SPICE1: variants seen among roughly 807,000 people sequenced by gnomAD.
SPICE1 encodes spindle and centriole-associated protein 1.
In SPICE1, 75 loss-of-function variants were observed where a neutral mutation model predicts 102.7. The observed-to-expected ratio is 0.73, with a 90% CI of 0.61 to 0.88. The LOEUF is 0.88. SPICE1 is among the 40% of genes least tolerant of loss of function. SPICE1 has a pLI of 0.00. For missense variants in SPICE1, 979 were observed against 1,020.1 expected, an observed-to-expected ratio of 0.96 and a Z score of 0.55; for synonymous variants, 308 against 350.3, an observed-to-expected ratio of 0.88 and a Z score of 1.35.
chr3:113,500,167 G>A (rs1347717070), intron 3 of SPICE1, among the ~76,000 whole-genome samples: 3 of 152,126 alleles, frequency 2.0e-5, no homozygotes, highest in Non-Finnish European at 4.4e-5. Context: ...AGAGATACGC[G>A]CCACAGATCT....
intron 12 of SPICE1, among the ~76,000 whole-genome samples, chr3:113,457,605 G>C (rs1034553993): frequency 5.3e-5 from 8 of 152,122 alleles, no homozygotes; most frequent in Admixed American, 3.3e-4. Context: ...CATGAAAAGC[G>C]AGCCAGTTAG....
Position 113,453,738 on chromosome 3 carries a change from G to A in SPICE1, c.1870C>T (p.Leu624Phe). 6.2e-7 allele frequency: 1 copy of A among 1,614,148 alleles called. No homozygotes were observed. ...TGGGAATTGCAGAGGGGCTGTGAGAGGTTAACAAAAGGAGCCTGAGTTTTG... is the reference window on the plus strand; with the variant it reads ...TGGGAATTGCAGAGGGGCTGTGAGAAGTTAACAAAAGGAGCCTGAGTTTTG... ...ENKTQAPFVN[L>F]SQPLCNSHSN... The change falls in exon 14 of 18, where the codon CTC (leucine) becomes TTC (phenylalanine). Residue 624 changes from leucine (L) to phenylalanine (F), a missense_variant. Coordinates refer to ENST00000295872, the MANE Select transcript of SPICE1 (RefSeq NM_144718.4).
intron 2 of SPICE1, among the ~76,000 whole-genome samples, chr3:113,503,931 T>TAAA (rs34217669): frequency 8.1e-4 from 77 of 95,360 alleles, no homozygotes; most frequent in East Asian, 1.2e-3. Flanking sequence ...AGTTTCTATC[T>TAAA]AAAAAAAAAA....
At position 113,446,641 on chromosome 3, in the gene SPICE1, A is replaced by C. The variant is rs141610268; in HGVS notation, c.2462T>G (p.Leu821Arg). The C allele has an allele frequency of 2.1e-4, 337 of 1,613,820 alleles. 1 individual carries two copies. In the African/African-American group the frequency reaches 4.0e-3, roughly 19 times the overall value. The change falls in exon 17 of 18, where the codon CTA (leucine) becomes CGA (arginine). Residue 821 changes from leucine to arginine, a missense_variant. Physicochemically the swap from Leu to Arg is moderately radical, Grantham distance 102 (BLOSUM62 -2). Transcript: ENST00000295872. ...SGATGNSCSP[L>R]NATSGSGRFT... ...TCTCCCACTTCCTGAGGTGGCATTT[A>C]GTGGAGAACAAGAATTACCAGTAGC...
chr3:113,488,906 A>C, intron 7 of SPICE1, 39 bp downstream of exon 7: 2 of 1,259,346 alleles, frequency 1.6e-6, no homozygotes, highest in Non-Finnish European at 2.3e-6. Context: ...CCATGGAAAA[A>C]ACCTGAGAGT....
At chr3:113,467,271 C>A (rs1019743625) in intron 10 of SPICE1, among the ~76,000 whole-genome samples, 16 of 152,120 alleles carry the variant, frequency 1.1e-4, no homozygotes, top group African/African-American at 3.9e-4. Flanking sequence ...TATTTGAAAT[C>A]AAATTAAACA....
At chr3:113,449,252 C>T (rs1935585178) in intron 15 of SPICE1, 1 of 152,156 alleles carries the variant, frequency 6.6e-6, no homozygotes, top group South Asian at 2.1e-4. Flanking sequence ...GTTGCCTGCT[C>T]CCCTACTCAA....
At chr3:113,503,930 CTAAA>C (rs1206988445) in intron 2 of SPICE1, among the ~76,000 whole-genome samples, 3 of 73,366 alleles carry the variant, frequency 4.1e-5, no homozygotes, top group African/African-American at 1.2e-4. Context: ...GAGTTTCTAT[CTAAA>C]AAAAAAAAAA....
At chr3:113,469,267 G>A (rs1936137646) in intron 7 of SPICE1, 29 bp from the exon 8 acceptor site, 1 of 1,239,376 alleles carries the variant, frequency 8.1e-7, no homozygotes, top group East Asian at 2.9e-5. Flanking sequence ...TAAGCTACAT[G>A]AGAATTATAA....
chr3:113,492,165 T>C (rs1419839436), intron 6 of SPICE1, among the ~76,000 whole-genome samples: 1 of 152,176 alleles, frequency 6.6e-6, no homozygotes, highest in Admixed American at 6.5e-5. Context: ...ACATAAATGG[T>C]TTTTGCCGGA....
chr3:113,475,551 C>T (rs555966263), intron 7 of SPICE1, among the ~76,000 whole-genome samples: 124 of 152,082 alleles, frequency 8.2e-4, no homozygotes, highest in Middle Eastern at 3.4e-3. Flanking sequence ...TACTGGCAAA[C>T]CGAATCCAGC....
intron 11 of SPICE1, among the ~76,000 whole-genome samples, chr3:113,462,896 C>T (rs866011611): frequency 6.6e-6 from 1 of 152,180 alleles, no homozygotes; most frequent in African/African-American, 2.4e-5. Context: ...ATATCTTTAA[C>T]CATCATGCAA....
intron 6 of SPICE1, among the ~76,000 whole-genome samples, chr3:113,492,286 C>T (rs961312039): frequency 1.3e-4 from 20 of 152,124 alleles, no homozygotes; most frequent in African/African-American, 4.6e-4. Flanking sequence ...CTGGACCTTG[C>T]AACTCCCTAG....
intron 11 of SPICE1, 61 bp downstream of exon 11, chr3:113,465,592 T>G (rs975940106): frequency 2.0e-6 from 3 of 1,478,870 alleles, no homozygotes; most frequent in Middle Eastern, 1.8e-4. Flanking sequence ...GAGAATCCAG[T>G]ACATGTTTAA....
At chr3:113,484,188 T>C (rs1394371694) in intron 7 of SPICE1, among the ~76,000 whole-genome samples, 3 of 152,140 alleles carry the variant, frequency 2.0e-5, no homozygotes, top group Non-Finnish European at 4.4e-5. Flanking sequence ...GTTTATAGTA[T>C]TCTGATGGTA....
Position 113,475,619 on chromosome 3 carries a change from G to T in SPICE1, c.612-6381C>A, listed in dbSNP as rs1324408875. On this transcript the variant is annotated intron_variant, in intron 7 of 17. Coordinates refer to ENST00000295872, the MANE Select transcript of SPICE1 (RefSeq NM_144718.4). ...GTGGGCTTCATCCCTGGGATGCAAG[G>T]CTGGTTCAATATACGCAAATCAATA... 3.3e-5 allele frequency among the ~76,000 whole-genome samples: 5 copies of T among 152,160 alleles called. No homozygotes were observed. The East Asian group carries it at 9.6e-4, about 29-fold the overall frequency.
chr3:113,505,350 G>GAGTC (rs1937088205), intron 2 of SPICE1, among the ~76,000 whole-genome samples: 1 of 151,632 alleles, frequency 6.6e-6, no homozygotes, highest in Admixed American at 6.6e-5. Flanking sequence ...CCTTACCTTA[G>GAGTC]AGTCACATCC....
At chr3:113,509,962 A>C (rs1345835448) in intron 1 of SPICE1, among the ~76,000 whole-genome samples, 1 of 152,184 alleles carries the variant, frequency 6.6e-6, no homozygotes, top group Admixed American at 6.5e-5. Flanking sequence ...CATAATTGTA[A>C]GTTTCCTGAG....
intron 7 of SPICE1, among the ~76,000 whole-genome samples, chr3:113,484,072 T>C (rs1345278612): frequency 1.3e-5 from 2 of 152,232 alleles, no homozygotes; most frequent in African/African-American, 4.8e-5. Flanking sequence ...ATTGGTCTAT[T>C]CAGGGATTCG....
Sources: gnomAD v4.1 joint callset for allele counts (sites outside exome capture counted in the v4.1 genomes callset) on GRCh38, gnomAD v4.1.1 for gene constraint, MANE v1.5 for transcripts, NCBI Gene and HGNC (gene_info 2026-07-23, HGNC 2026-07-21) for gene names.